Variants in LGR4 observed in about 807,000 individuals in gnomAD.
LGR4 encodes leucine-rich repeat-containing G protein-coupled receptor 4.
Under a neutral mutation model 84.8 loss-of-function variants are expected in LGR4, and 44 were observed. The observed-to-expected ratio is 0.52, with a 90% confidence interval of 0.41 to 0.67. The LOEUF is 0.67. Among genes scored for constraint, LGR4 ranks in the 30% least tolerant of loss-of-function variants. The pLI is 0.00. For missense variants in LGR4, 1,032 were observed against 1,131.4 expected (o/e 0.91, Z 1.26); for synonymous variants, 429 against 434.3 (o/e 0.99, Z 0.15).
intron 1 of LGR4, among the ~76,000 whole-genome samples, chr11:27,432,887 T>C (rs1335654699): frequency 6.6e-6 from 1 of 152,292 alleles, no homozygotes; most frequent in East Asian, 1.9e-4. Context: ...CCCACTTTTT[T>C]TCCCACTACA....
chr11:27,421,994 G>T (rs1298304414), intron 1 of LGR4, among the ~76,000 whole-genome samples: 1 of 152,146 alleles, frequency 6.6e-6, no homozygotes, highest in Non-Finnish European at 1.5e-5. Context: ...AATATTCCTT[G>T]TTTTCTTCCT....
chr11:27,398,512 T>C (rs760460187), intron 2 of LGR4, among the ~76,000 whole-genome samples: 9 of 152,184 alleles, frequency 5.9e-5, no homozygotes, highest in Non-Finnish European at 1.0e-4. Flanking sequence ...AAATACCATA[T>C]ATACACTGAT....
intron 1 of LGR4, among the ~76,000 whole-genome samples, chr11:27,453,196 GTAGCTGGGAT>G (rs1445368942): frequency 6.6e-6 from 1 of 152,016 alleles, no homozygotes; most frequent in Admixed American, 6.6e-5. Flanking sequence ...AGCCTCCCGA[GTAGCTGGGAT>G]TACAGGCGCC....
At chr11:27,410,780 A>C (rs1402687417) in intron 2 of LGR4, among the ~76,000 whole-genome samples, 3 of 152,096 alleles carry the variant, frequency 2.0e-5, no homozygotes. Context: ...ATTTAGAGAG[A>C]GTATACGGAC....
intron 1 of LGR4, among the ~76,000 whole-genome samples, chr11:27,452,062 A>G (rs1399807887): frequency 1.3e-5 from 2 of 152,216 alleles, no homozygotes; most frequent in Non-Finnish European, 1.5e-5. Flanking sequence ...TAGCAAATTA[A>G]AACTGGTTAT....
chr11:27,411,778 T>C (rs1298521873), intron 2 of LGR4, among the ~76,000 whole-genome samples: 2 of 152,120 alleles, frequency 1.3e-5, no homozygotes, highest in Admixed American at 6.6e-5. Context: ...ACTATTTCAA[T>C]ATTCTATCAG....
chr11:27,405,386 C>T (rs1384474985), intron 2 of LGR4, among the ~76,000 whole-genome samples: 1 of 151,986 alleles, frequency 6.6e-6, no homozygotes, highest in African/African-American at 2.4e-5. Context: ...CTTCCCTTTT[C>T]TTCTACCCTC....
intron 1 of LGR4, 58 bp from the exon 2 acceptor site, chr11:27,412,918 T>A: frequency 8.5e-7 from 1 of 1,174,232 alleles, no homozygotes; most frequent in Non-Finnish European, 1.3e-6. Context: ...TTAAAGTATT[T>A]AATCCAACAG....
intron 6 of LGR4, among the ~76,000 whole-genome samples, chr11:27,382,923 A>G (rs1477524222): frequency 6.6e-6 from 1 of 152,244 alleles, no homozygotes; most frequent in African/African-American, 2.4e-5. Flanking sequence ...AAGCTGAGAC[A>G]GGAGAATCTC....
chr11:27,399,512 CTT>C (rs112562367), intron 2 of LGR4, among the ~76,000 whole-genome samples: 3 of 145,480 alleles, frequency 2.1e-5, no homozygotes, highest in Non-Finnish European at 4.6e-5. Context: ...TTGGCAACTA[CTT>C]TTTTTTTTTT....
At chr11:27,405,577 T>G (rs1323744019) in intron 2 of LGR4, among the ~76,000 whole-genome samples, 1 of 152,168 alleles carries the variant, frequency 6.6e-6, no homozygotes, top group East Asian at 1.9e-4. Context: ...CACATGTATG[T>G]TAAAAACAGC....
chr11:27,426,961 T>C (rs182458482), intron 1 of LGR4, among the ~76,000 whole-genome samples: 5 of 152,270 alleles, frequency 3.3e-5, no homozygotes, highest in Admixed American at 2.6e-4. Context: ...TGGGTCACAG[T>C]GGGGTGAGTC....
chr11:27,437,307 T>A (rs951783575), intron 1 of LGR4, among the ~76,000 whole-genome samples: 1 of 152,210 alleles, frequency 6.6e-6, no homozygotes, highest in Non-Finnish European at 1.5e-5. Flanking sequence ...ATTTTTTTTT[T>A]TATAAATTGC....
At chr11:27,396,194 G>A (rs1346026747) in intron 2 of LGR4, among the ~76,000 whole-genome samples, 1 of 152,146 alleles carries the variant, frequency 6.6e-6, no homozygotes, top group Non-Finnish European at 1.5e-5. Flanking sequence ...ACTTCTACCT[G>A]TATTGTGATG....
chr11:27,433,235 C>T (rs188245846), intron 1 of LGR4, among the ~76,000 whole-genome samples: 3 of 152,144 alleles, frequency 2.0e-5, no homozygotes, highest in East Asian at 3.9e-4. Flanking sequence ...TTTTTTGAGA[C>T]GGAGTCTCGC....
chr11:27,393,726 C>T (rs1340467480), intron 2 of LGR4, among the ~76,000 whole-genome samples: 1 of 152,024 alleles, frequency 6.6e-6, no homozygotes, highest in Non-Finnish European at 1.5e-5. Context: ...GGTTCCCCCA[C>T]TTCTAATCTG....
At chr11:27,453,612 T>C (rs1039011343) in intron 1 of LGR4, among the ~76,000 whole-genome samples, 4 of 152,112 alleles carry the variant, frequency 2.6e-5, no homozygotes, top group Non-Finnish European at 4.4e-5. Flanking sequence ...AGGTAAGTTA[T>C]AGGAATGCAA....
intron 2 of LGR4, among the ~76,000 whole-genome samples, chr11:27,411,495 T>C (rs1441589398): frequency 6.6e-6 from 1 of 152,020 alleles, no homozygotes; most frequent in Admixed American, 6.6e-5. Context: ...ACTTTGAAAA[T>C]AGTAAAATAA....
Position 27,376,376 on chromosome 11 carries a change from TA to T in LGR4, c.1110-7del, listed in dbSNP as rs765476891. The T allele has an allele frequency of 8.3e-6, 12 of 1,440,754 alleles. No individual in the cohort carries two copies. Among genetic ancestry groups the T allele is most frequent in the African/African-American group, 2.9e-5 (2 of 68,164 alleles). 89.2% of individuals were successfully genotyped at this position (1,440,754 alleles called of 1,614,324 possible). On this transcript the variant is annotated splice_polypyrimidine_tract_variant and splice_region_variant and intron_variant, in intron 12 of 17. Transcript: ENST00000379214. ...TTTGATTACGCTGTAAAGAACTAAA[TA>T]AAAAAAGAAGAAGAAAGAAGACGAA...
Sources: allele counts gnomAD v4.1 joint callset (sites outside exome capture counted in the v4.1 genomes callset), GRCh38; gene constraint gnomAD v4.1.1; transcripts MANE v1.5; gene names NCBI Gene and HGNC (gene_info 2026-07-23, HGNC 2026-07-21).